Variants in PML observed in about 807,000 individuals in gnomAD.
PML encodes the protein protein PML.
A neutral mutation model predicts 65.2 loss-of-function variants in PML; 28 were observed. That is an observed-to-expected ratio of 0.43 (90% CI 0.32 to 0.59). The LOEUF is 0.59. Ranked by LOEUF, PML falls within the 20% of genes least tolerant of loss-of-function variation. The pLI is 0.08. For synonymous variants in PML, 500 were observed against 508.8 expected (o/e 0.98, Z 0.23); for missense variants, 1,021 against 1,203.4 (o/e 0.85, Z 2.24).
intron 3 of PML, among the ~76,000 whole-genome samples, 187 bp downstream of exon 3, chr15:74,023,595 G>A (rs1302295059): frequency 2.0e-5 from 3 of 152,322 alleles, no homozygotes; most frequent in African/African-American, 7.2e-5. Context: ...ACAAAGGGCT[G>A]CAGCCACCCA....
At chr15:74,028,958 C>T (rs118177454) in intron 4 of PML, among the ~76,000 whole-genome samples, 4,115 of 152,282 alleles carry the variant, frequency 0.027, 74 homozygotes, top group Middle Eastern at 0.058. Flanking sequence ...CTACTATGAA[C>T]ACGGGTGTAC....
chr15:74,017,760 C>G (rs2070658562), intron 2 of PML, among the ~76,000 whole-genome samples: 1 of 152,236 alleles, frequency 6.6e-6, no homozygotes, highest in Admixed American at 6.5e-5. Context: ...TGATCCTTCT[C>G]TTGACTCTTG....
In PML at chr15:73,998,581, G is replaced by C. The variant is rs549301075; in HGVS notation, c.602+105G>C. On this transcript the variant is annotated intron_variant, in intron 2 of 8. Transcript: ENST00000268058. Reference sequence around the variant, plus strand: ...CACAGCTGAGGACAAGGAGCTTCTGGGGCCTTGCAACTCTAAATGTGGTCT... The same window carrying C: ...CACAGCTGAGGACAAGGAGCTTCTGCGGCCTTGCAACTCTAAATGTGGTCT... 3.9e-5 allele frequency: 38 copies of C among 983,138 alleles called. No homozygotes were observed. The South Asian group carries it at 4.7e-4, about 12-fold the overall frequency. The allele number at this position is 983,138 out of a possible 1,614,324, so 60.9% of individuals were successfully genotyped here.
At position 74,035,815 on chromosome 15, in the gene PML, A is replaced by T. The variant is rs1303303564; in HGVS notation, c.1710+1285A>T. The T allele has an allele frequency of 6.2e-7, 1 of 1,613,594 alleles. No homozygotes were observed. The highest frequency in any genetic ancestry group is 1.1e-5 in the South Asian group (1 of 91,068). ...CTTGGAGCAGGTGTTCCCCCTGGGG[A>T]CTCTGTCAGAGGCTCCATGGAGGCC... is the stretch of plus-strand genomic sequence containing the variant. On this transcript the variant is annotated intron_variant, in intron 7 of 8. Coordinates refer to ENST00000268058, the MANE Select transcript of PML (RefSeq NM_033238.3). The surrounding 1 kb of genome is among the most constrained non-coding windows in gnomAD (Gnocchi z 4.1).
chr15:74,023,930 C>T (rs2070959192), intron 3 of PML, among the ~76,000 whole-genome samples: 1 of 152,188 alleles, frequency 6.6e-6, no homozygotes, highest in Non-Finnish European at 1.5e-5. Flanking sequence ...CCTTTGCGCG[C>T]CCTGCCTAGT....
intron 4 of PML, among the ~76,000 whole-genome samples, chr15:74,028,796 T>G (rs545613007): frequency 1.4e-4 from 22 of 152,352 alleles, no homozygotes; most frequent in African/African-American, 5.1e-4. Context: ...AGTGCAGTGT[T>G]CTCAGGGTTC....
intron 6 of PML, 77 bp downstream of exon 6, chr15:74,033,491 C>A: frequency 6.5e-7 from 1 of 1,547,916 alleles, no homozygotes. Flanking sequence ...GTATTTTGGC[C>A]CCATCCAGAA....
In PML at chr15:74,033,275, G is replaced by A. The variant is rs377287687; in HGVS notation, c.1518G>A (p.Pro506=). 6.3e-5 allele frequency: 101 copies of A among 1,614,070 alleles called. No individual in the cohort carries two copies. Among genetic ancestry groups the A allele is most frequent in the Middle Eastern group, 1.6e-4 (1 of 6,084 alleles). ...AGGCAAGGTTGGCTCGGAGCTCCCC[G>A]GAGCAGCCCAGGCCCAGCACCTCCA... is the stretch of plus-strand genomic sequence containing the variant. The part of the protein sequence containing the change: ...GKEARLARSS[P]EQPRPSTSKA... Residue 506 remains proline (P), a synonymous_variant, in exon 6 of 9, where the codon CCG becomes CCA. Coordinates refer to ENST00000268058, the MANE Select transcript of PML (RefSeq NM_033238.3).
At chr15:74,006,877 C>T (rs942680304) in intron 2 of PML, among the ~76,000 whole-genome samples, 63 of 152,248 alleles carry the variant, frequency 4.1e-4, no homozygotes, top group African/African-American at 1.2e-3. Context: ...AGATGCCAGG[C>T]GCCTTTAAAT....
chr15:74,004,878 T>C (rs2069962268), intron 2 of PML, among the ~76,000 whole-genome samples: 1 of 152,126 alleles, frequency 6.6e-6, no homozygotes, highest in Non-Finnish European at 1.5e-5. Flanking sequence ...GGCTAATTTT[T>C]GCATTTTCTT....
rs536738558 is a variant in PML at position 74,010,185 on chromosome 15, A to ATTT, written c.602+11735_602+11737dup. ...AGACATGCACCACCATGCCCAGCTA[A>ATTT]TTTTTTTTTTTTTTTTTTTTTTTTT... On this transcript the variant is annotated intron_variant, in intron 2 of 8. Coordinates refer to ENST00000268058, the MANE Select transcript of PML (RefSeq NM_033238.3). Among the ~76,000 whole-genome samples, 250 of 77,928 alleles carry ATTT rather than the reference A, an allele frequency of 3.2e-3. 25 individuals carry two copies. The highest frequency in any genetic ancestry group is 0.01 in the African/African-American group (202 of 19,860). 51.1% of individuals were successfully genotyped at this position (77,928 alleles called of 152,430 possible). A position where few individuals can be genotyped will look rare whatever the true frequency, so the allele number is the denominator to read the frequency against.
rs569779951 is a variant in PML at position 74,009,603 on chromosome 15, CTTTA to C, written c.602+11139_602+11142del. 1.4e-4 allele frequency among the ~76,000 whole-genome samples: 22 copies of C among 152,260 alleles called. No homozygotes were observed. The South Asian group carries it at 1.9e-3, about 13-fold the overall frequency. On this transcript the variant is annotated intron_variant, in intron 2 of 8. Transcript: ENST00000268058. Reference sequence around the variant, plus strand: ...GATGTTTTGGAGAAAGAAGCAAGGACTTTATTTATTTATTTGTTTATTTTTGAGA... The same window carrying C: ...GATGTTTTGGAGAAAGAAGCAAGGACTTTATTTATTTGTTTATTTTTGAGA...
chr15:74,007,884 G>T (rs1595885918), intron 2 of PML, among the ~76,000 whole-genome samples: 1 of 152,226 alleles, frequency 6.6e-6, no homozygotes, highest in Non-Finnish European at 1.5e-5. Context: ...GCAGGGTTCC[G>T]TGCAGAAGGC....
chr15:74,046,687 A>T lies in PML; in HGVS notation c.*1679A>T, dbSNP rs564845377. 4.3e-6 allele frequency: 1 copy of T among 232,574 alleles called. No homozygotes were observed. The highest frequency in any genetic ancestry group is 2.2e-5 in the African/African-American group (1 of 45,394). 14.4% of individuals were successfully genotyped at this position (232,574 alleles called of 1,614,324 possible). On this transcript the variant is annotated 3_prime_UTR_variant, in exon 9 of 9. Transcript: ENST00000268058. ...GGGCCCACTGATTTCCAGCCCCACC[A>T]TGTGTGCTGTTTTCAGATGTGATTG...
At chr15:73,999,578 T>A (rs1337782255) in intron 2 of PML, among the ~76,000 whole-genome samples, 2 of 152,226 alleles carry the variant, frequency 1.3e-5, no homozygotes. Flanking sequence ...GGCCATTGTG[T>A]TTCTGCATTT....
At chr15:74,000,833 A>G (rs1468029940) in intron 2 of PML, among the ~76,000 whole-genome samples, 3 of 152,200 alleles carry the variant, frequency 2.0e-5, no homozygotes, top group African/African-American at 4.8e-5. Flanking sequence ...TAAATTGTTT[A>G]GCGTAGTGCC....
intron 8 of PML, 143 bp from the exon 9 acceptor site, chr15:74,044,078 T>C (rs778966097): frequency 4.0e-6 from 3 of 755,328 alleles, no homozygotes; most frequent in East Asian, 2.6e-5. Context: ...GAGCTGCATT[T>C]GGGGGCTGAT....
intron 1 of PML, among the ~76,000 whole-genome samples, chr15:73,995,605 C>T (rs1258159611): frequency 6.6e-6 from 1 of 152,230 alleles, no homozygotes. Context: ...ATTACAGTAA[C>T]TTTTATAAAC....
Position 73,994,879 on chromosome 15 carries a change from A to G in PML, c.67A>G (p.Met23Val), listed in dbSNP as rs1364577658. 6.6e-7 allele frequency: 1 copy of G among 1,509,058 alleles called. No homozygotes were observed. Among genetic ancestry groups the G allele is most frequent in the Non-Finnish European group, 9.0e-7 (1 of 1,115,708 alleles). 93.5% of individuals were successfully genotyped at this position (1,509,058 alleles called of 1,614,324 possible). Residue 23 changes from methionine (M) to valine (V), a missense_variant, in exon 1 of 9, where the codon ATG becomes GTG. By Grantham distance (21) the Met-to-Val change is conservative. Transcript: ENST00000268058. The part of the protein sequence containing the change: ...QDPARPQEPT[M>V]PPPETPSEGR... ...CCCCGCCCGGCCCCAGGAGCCCACC[A>G]TGCCTCCCCCCGAGACCCCCTCTGA...
Sources: gnomAD v4.1 joint callset for allele counts (sites outside exome capture counted in the v4.1 genomes callset) on GRCh38, gnomAD v4.1.1 for gene constraint, Gnocchi (gnomAD v3.1) non-coding constraint, MANE v1.5 for transcripts, NCBI Gene and HGNC (gene_info 2026-07-23, HGNC 2026-07-21) for gene names.